LAMA4: variants seen among roughly 807,000 people sequenced by gnomAD.
The protein encoded by LAMA4 is laminin subunit alpha 4.
In LAMA4, 127 loss-of-function variants were observed where a neutral mutation model predicts 207.1. That is an observed-to-expected ratio of 0.61 (90% CI 0.53 to 0.71). The LOEUF (loss-of-function observed/expected upper bound fraction) is 0.71. LAMA4 is among the 30% of genes least tolerant of loss of function. LAMA4 has a pLI of 0.00. For missense variants in LAMA4, 2,093 were observed against 2,246.5 expected (o/e 0.93, Z 1.38); for synonymous variants, 761 against 816.0 (o/e 0.93, Z 1.15).
At chr6:112,134,703 C>G (rs1779231092) in intron 25 of LAMA4, 94 bp from the exon 26 acceptor site, 4 of 1,016,198 alleles carry the variant, frequency 3.9e-6, no homozygotes, top group Non-Finnish European at 6.0e-6. Context: ...GGTATACTAG[C>G]TGTTCTTCCA....
chr6:112,167,558 T>C (rs1328097303), intron 12 of LAMA4, among the ~76,000 whole-genome samples: 1 of 152,208 alleles, frequency 6.6e-6, no homozygotes, highest in African/African-American at 2.4e-5. Context: ...TTTCATGATA[T>C]TTTGCAAAAG....
chr6:112,198,186 A>G (rs1554351086), intron 5 of LAMA4, among the ~76,000 whole-genome samples: 1 of 152,104 alleles, frequency 6.6e-6, no homozygotes, highest in Admixed American at 6.6e-5. Context: ...AGCCCTGGAT[A>G]TTCTTTTTCA....
intron 9 of LAMA4, among the ~76,000 whole-genome samples, chr6:112,181,726 C>T (rs1782370138): frequency 6.6e-6 from 1 of 152,152 alleles, no homozygotes; most frequent in Non-Finnish European, 1.5e-5. Context: ...TATGTTTTTA[C>T]TTATCTGTTT....
chr6:112,189,354 T>C lies in LAMA4; in HGVS notation c.719-149A>G, dbSNP rs554933533. 1.8e-5 allele frequency: 12 copies of C among 685,434 alleles called. No individual in the cohort carries two copies. The Admixed American group carries it at 1.9e-4, about 11-fold the overall frequency. 42.5% of individuals were successfully genotyped at this position (685,434 alleles called of 1,614,324 possible). A position where few individuals can be genotyped will look rare whatever the true frequency, so the allele number is the denominator to read the frequency against. On this transcript the variant is annotated intron_variant, in intron 6 of 38. Transcript: ENST00000230538. ...TTCTTCCTTCAGACTGTGTAGAATC[T>C]ACGATACAGAGATTACGCCCTTCAT...
In LAMA4 at chr6:112,158,724, G is replaced by A; in HGVS notation, c.1817+8C>T. 4 of 1,611,952 alleles carry A rather than the reference G, an allele frequency of 2.5e-6. No individual in the cohort carries two copies. Among genetic ancestry groups the A allele is most frequent in the African/African-American group, 1.3e-5 (1 of 74,936 alleles). On this transcript the variant is annotated splice_region_variant and intron_variant, in intron 14 of 38. Transcript: ENST00000230538. Reference sequence around the variant, plus strand: ...TAGATATTTGCATTTCTAAAACCAGGATATTACCTGCTCAATTCATTAGCT... The same window carrying A: ...TAGATATTTGCATTTCTAAAACCAGAATATTACCTGCTCAATTCATTAGCT...
In LAMA4 at chr6:112,178,187, T is replaced by C. The variant is rs1203730371; in HGVS notation, c.1123A>G (p.Met375Val). 1.9e-6 allele frequency: 3 copies of C among 1,613,912 alleles called. No individual in the cohort carries two copies. The highest frequency in any genetic ancestry group is 2.7e-5 in the African/African-American group (2 of 74,928). ...RKGQLVQKES[M>V]DTINHASQLV... Reference sequence around the variant, plus strand: ...TGACTTGCGTGGTTAATGGTGTCCATGCTTTCCTTCTGAACAAGTTGTCCT... The same window carrying C: ...TGACTTGCGTGGTTAATGGTGTCCACGCTTTCCTTCTGAACAAGTTGTCCT... Residue 375 changes from methionine (M) to valine (V), a missense_variant, in exon 10 of 39, where the codon ATG (methionine) becomes GTG (valine). Around this residue, in one of 3 missense-constraint regions of LAMA4, gnomAD observed 1,704 missense variants for 1,788.4 expected, o/e 0.95. Transcript: ENST00000230538.
At chr6:112,192,782 C>T (rs1375321479) in intron 5 of LAMA4, among the ~76,000 whole-genome samples, 1 of 152,200 alleles carries the variant, frequency 6.6e-6, no homozygotes, top group Non-Finnish European at 1.5e-5. Flanking sequence ...CCAAAGCTGC[C>T]GTGCAGGGCA....
At chr6:112,205,167 A>G (rs956857928) in intron 4 of LAMA4, among the ~76,000 whole-genome samples, 1 of 152,224 alleles carries the variant, frequency 6.6e-6, no homozygotes, top group African/African-American at 2.4e-5. Context: ...ACATCGAAAC[A>G]CTTAGAACAA....
At chr6:112,231,608 T>A (rs547995172) in intron 2 of LAMA4, among the ~76,000 whole-genome samples, 2 of 152,290 alleles carry the variant, frequency 1.3e-5, no homozygotes, top group African/African-American at 4.8e-5. Context: ...CCTCCTTTGT[T>A]CCATTTGAGG....
intron 2 of LAMA4, chr6:112,251,459 AAGG>A (rs1471133481): frequency 1.6e-4 from 25 of 152,338 alleles, no homozygotes; most frequent in African/African-American, 5.1e-4. Context: ...ATTCCCTCTG[AAGG>A]AGAATTGCAG....
Position 112,227,442 on chromosome 6 carries a change from AG to A in LAMA4, c.196-10974del, listed in dbSNP as rs1475798107. ...AAAGAATGAAAGAAAGAGGAAAAGG[AG>A]CAAATGAGGAAAGAAAAAGAAAAGA... On this transcript the variant is annotated intron_variant, in intron 2 of 38. Transcript: ENST00000230538. Among the ~76,000 whole-genome samples the A allele has an allele frequency of 7.9e-5, 12 of 152,290 alleles. No individual in the cohort carries two copies. The South Asian group carries it at 2.3e-3, about 29-fold the overall frequency.
chr6:112,151,212 C>A (rs1780384007), intron 16 of LAMA4, among the ~76,000 whole-genome samples: 1 of 152,156 alleles, frequency 6.6e-6, no homozygotes, highest in Admixed American at 6.5e-5. Context: ...TGAATTCTAT[C>A]TCCATCTGTT....
chr6:112,140,316 C>T (rs1026096246), intron 22 of LAMA4, among the ~76,000 whole-genome samples: 1 of 152,194 alleles, frequency 6.6e-6, no homozygotes, highest in Non-Finnish European at 1.5e-5. Flanking sequence ...TATCCCCCTT[C>T]ATCAGATTTC....
chr6:112,118,503 G>T lies in LAMA4; in HGVS notation c.4822-605C>A, dbSNP rs868952535. Among the ~76,000 whole-genome samples the T allele has an allele frequency of 7.1e-4, 108 of 152,040 alleles. No homozygotes were observed. Among genetic ancestry groups the T allele is most frequent in the African/African-American group, 2.5e-3 (102 of 41,484 alleles). ...TTTGCTTCATCTACATATATTAATA[G>T]GTCTTAGAAATTATTTTTAACATTG... On this transcript the variant is annotated intron_variant, in intron 34 of 38. Coordinates refer to ENST00000230538, the MANE Select transcript of LAMA4 (RefSeq NM_001105206.3). This position sits in a 1 kb window ranked among gnomAD's most constrained non-coding sequence, Gnocchi z 4.6.
intron 5 of LAMA4, 136 bp downstream of exon 5, chr6:112,201,472 T>G: frequency 1.2e-6 from 1 of 813,912 alleles, no homozygotes. Context: ...TAAGGGGTTT[T>G]GAAATGCAGT....
At position 112,158,846 on chromosome 6, in the gene LAMA4, G is replaced by T; in HGVS notation, c.1703C>A (p.Ala568Asp). Residue 568 changes from alanine to aspartate, a missense_variant, in exon 14 of 39, where the codon GCC becomes GAC. By Grantham distance (126) the Ala-to-Asp change is moderately radical. This residue lies in a region of LAMA4 where 1,704 missense variants were observed against 1,788.4 expected (regional missense o/e 0.95). Transcript: ENST00000230538. Reference sequence around the variant, plus strand: ...TAGTTTTACTTGTAGTTCACTTTTGGCTCCATCTATTTCTGCATAAATCCC... The same window carrying T: ...TAGTTTTACTTGTAGTTCACTTTTGTCTCCATCTATTTCTGCATAAATCCC... ...ASGIYAEIDG[A>D]KSELQVKLSN... The T allele has an allele frequency of 6.2e-7, 1 of 1,611,958 alleles. No individual in the cohort carries two copies. Among genetic ancestry groups the T allele is most frequent in the Non-Finnish European group, 8.5e-7 (1 of 1,178,304 alleles).
rs1784479223 is a variant in LAMA4 at position 112,213,787 on chromosome 6, C to G, written c.297+2581G>C. ...ACTGGAATTGAGGAAGAATTAGAAG[C>G]AGTTGAAGGTGAACAAGGCAGATAC... On this transcript the variant is annotated intron_variant, in intron 3 of 38. Transcript: ENST00000230538. 1.6e-5 allele frequency: 6 copies of G among 367,246 alleles called. No homozygotes were observed. The Admixed American group carries it at 2.3e-4, about 14-fold the overall frequency. 22.7% of individuals were successfully genotyped at this position (367,246 alleles called of 1,614,324 possible).
At chr6:112,201,495 CTT>C (rs1783742862) in intron 5 of LAMA4, 111 bp downstream of exon 5, 1 of 921,118 alleles carries the variant, frequency 1.1e-6, no homozygotes. Flanking sequence ...CTCAACCACT[CTT>C]AAGCATCTCC....
chr6:112,175,494 C>A lies in LAMA4; in HGVS notation c.1190-14G>T, dbSNP rs781993672. ...TGTTGTTGATCTCTGAAAGGAAGAA[C>A]ATGGTGAAACAAGGCAGCAGGGAGA... On this transcript the variant is annotated splice_polypyrimidine_tract_variant and intron_variant, in intron 10 of 38. Coordinates refer to ENST00000230538, the MANE Select transcript of LAMA4 (RefSeq NM_001105206.3). The A allele has an allele frequency of 3.1e-6, 5 of 1,613,812 alleles. No homozygotes were observed. In the Admixed American group the frequency reaches 6.7e-5, roughly 22 times the overall value.
Sources: gnomAD v4.1 joint callset for allele counts (sites outside exome capture counted in the v4.1 genomes callset) on GRCh38, gnomAD v4.1.1 for gene constraint, gnomAD v4.1.1 regional missense constraint, Gnocchi (gnomAD v3.1) non-coding constraint, MANE v1.5 for transcripts, NCBI Gene and HGNC (gene_info 2026-07-23, HGNC 2026-07-21) for gene names.